The following DIS3L2 variants were observed in gnomAD, a reference collection of about 807,000 sequenced individuals.
DIS3L2 encodes DIS3-like exonuclease 2.
Under a neutral mutation model 97.5 loss-of-function variants are expected in DIS3L2, and 34 were observed. That is an observed-to-expected ratio of 0.35 (90% CI 0.27 to 0.46). The LOEUF is 0.46. Ranked by LOEUF, DIS3L2 falls within the 20% of genes least tolerant of loss-of-function variation. The pLI is 1.00. For missense variants in DIS3L2, 1,038 were observed against 1,146.0 expected (o/e 0.91, Z 1.36); for synonymous variants, 435 against 445.2 (o/e 0.98, Z 0.29).
Position 232,130,692 on chromosome 2 carries a change from G to A in DIS3L2, c.675G>A (p.Ser225=), listed in dbSNP as rs756569370. 2.3e-5 allele frequency: 37 copies of A among 1,613,826 alleles called. No homozygotes were observed. In the South Asian group the frequency reaches 2.4e-4, roughly 11 times the overall value. The change falls in exon 7 of 21, where the codon TCG becomes TCA. Residue 225 remains serine, a synonymous_variant. Transcript: ENST00000325385. The stretch of plus-strand genomic sequence containing the variant: ...TTTCACAAGACACAAGAGCTTTATC[G>A]GAGAAATCCCTGCAAAGATCAGCAA... ...TCISQDTRAL[S]EKSLQRSAKV...
chr2:232,030,220 T>C, intron 5 of DIS3L2, 140 bp downstream of exon 5: 1 of 676,464 alleles, frequency 1.5e-6, no homozygotes, highest in East Asian at 3.0e-5. Flanking sequence ...CTTGGAAGCA[T>C]GCTACCGAAT....
intron 8 of DIS3L2, among the ~76,000 whole-genome samples, chr2:232,143,423 G>T (rs1243045024): frequency 6.6e-6 from 1 of 152,014 alleles, no homozygotes; most frequent in East Asian, 1.9e-4. Flanking sequence ...AATTGAAGTG[G>T]TGATCATTAT....
intron 5 of DIS3L2, among the ~76,000 whole-genome samples, chr2:232,061,615 G>C (rs1416827287): frequency 6.6e-6 from 1 of 152,124 alleles, no homozygotes; most frequent in Non-Finnish European, 1.5e-5. Context: ...TTGCCTCCAG[G>C]ATAATTTTAT....
intron 5 of DIS3L2, among the ~76,000 whole-genome samples, chr2:232,050,419 A>G (rs1574837832): frequency 6.7e-6 from 1 of 149,776 alleles, no homozygotes; most frequent in East Asian, 2.0e-4. Flanking sequence ...TTATAGGTGC[A>G]CCACCATGCC....
chr2:232,329,785 TCCC>T, intron 14 of DIS3L2, 25 bp from the exon 15 acceptor site: 1 of 967,136 alleles, frequency 1.0e-6, no homozygotes, highest in Non-Finnish European at 1.5e-6. Flanking sequence ...ACCCCAGCGG[TCCC>T]TCCCATCCCA....
intron 9 of DIS3L2, among the ~76,000 whole-genome samples, chr2:232,205,238 A>ATATATATATATATATATATATATATATAT (rs1691998820): frequency 1.4e-5 from 2 of 144,184 alleles, no homozygotes; most frequent in African/African-American, 5.1e-5. Context: ...ATATATATAT[A>ATATATATATATATATATATATATATATAT]AAATGCAGTG....
At chr2:232,271,725 G>A (rs887295497) in intron 13 of DIS3L2, among the ~76,000 whole-genome samples, 1 of 152,148 alleles carries the variant, frequency 6.6e-6, no homozygotes, top group African/African-American at 2.4e-5. Context: ...GACAGCCTCC[G>A]TGGAAGAGAG....
At position 232,037,132 on chromosome 2, in the gene DIS3L2, C is replaced by T. The variant is rs564964136; in HGVS notation, c.366+7052C>T. ...ATGTTTAAGTCTGCTGAAGCTGCAC[C>T]CACATCCGCCCCTTCCCCCAGGTGC... On this transcript the variant is annotated intron_variant, in intron 5 of 20. Transcript: ENST00000325385. The surrounding 1 kb of genome is among the most constrained non-coding windows in gnomAD (Gnocchi z 4.6). Among the ~76,000 whole-genome samples the T allele has an allele frequency of 2.0e-5, 3 of 152,332 alleles. No homozygotes were observed. The highest frequency in any genetic ancestry group is 4.1e-4 in the South Asian group (2 of 4,828).
At chr2:232,310,302 A>G (rs1354328975) in intron 14 of DIS3L2, among the ~76,000 whole-genome samples, 3 of 152,202 alleles carry the variant, frequency 2.0e-5, no homozygotes. Context: ...GCGTGAGCTC[A>G]TGGGTGCAAG....
chr2:232,225,506 CAAAG>C (rs1473289186), intron 10 of DIS3L2, among the ~76,000 whole-genome samples: 2 of 151,716 alleles, frequency 1.3e-5, no homozygotes, highest in African/African-American at 2.4e-5. Flanking sequence ...ATGTAAAATA[CAAAG>C]AAAGGTGAAA....
At chr2:232,310,343 G>C (rs1695090570) in intron 14 of DIS3L2, among the ~76,000 whole-genome samples, 1 of 152,210 alleles carries the variant, frequency 6.6e-6, no homozygotes, top group Non-Finnish European at 1.5e-5. Flanking sequence ...GTGGGAGTCA[G>C]CCACTCACAG....
intron 12 of DIS3L2, among the ~76,000 whole-genome samples, chr2:232,262,722 T>C (rs1438872433): frequency 6.6e-6 from 1 of 152,070 alleles, no homozygotes; most frequent in Non-Finnish European, 1.5e-5. Flanking sequence ...TCGGAATGGG[T>C]TTCCTCTTTC....
chr2:232,336,867 CCTGGGAGGCTGGCCCCCCTTTTTT>C lies in DIS3L2; in HGVS notation c.*243_*266del. The C allele has an allele frequency of 7.4e-7, 1 of 1,348,748 alleles. No homozygotes were observed. The highest frequency in any genetic ancestry group is 1.6e-5 in the South Asian group (1 of 61,252). The allele number at this position is 1,348,748 out of a possible 1,614,324, so 83.5% of individuals were successfully genotyped here. On this transcript the variant is annotated 3_prime_UTR_variant, in exon 21 of 21. Transcript: ENST00000325385. Reference sequence around the variant, plus strand: ...CCCCAGCAGAGCAGGCCCCAGTCCTCCTGGGAGGCTGGCCCCCCTTTTTTCTGGGCCCTACTGCCCTCCTCTGCC... The same window carrying C: ...CCCCAGCAGAGCAGGCCCCAGTCCTCCTGGGCCCTACTGCCCTCCTCTGCC...
At chr2:231,994,734 A>G (rs1693682482) in intron 1 of DIS3L2, among the ~76,000 whole-genome samples, 1 of 148,168 alleles carries the variant, frequency 6.7e-6, no homozygotes. Context: ...GTAAAATTCT[A>G]TTTCTTTCAA....
Position 232,281,807 on chromosome 2 carries a change from C to T in DIS3L2, c.1660-18233C>T, listed in dbSNP as rs1387949228. ...GAGCTGCCCACTTAAAGACGCTTGCCAGGTGGCTGGACCGGAAGTCTGCTG... is the reference window on the plus strand; with the variant it reads ...GAGCTGCCCACTTAAAGACGCTTGCTAGGTGGCTGGACCGGAAGTCTGCTG... On this transcript the variant is annotated intron_variant, in intron 13 of 20. Coordinates refer to ENST00000325385, the MANE Select transcript of DIS3L2 (RefSeq NM_152383.5). This position sits in a 1 kb window ranked among gnomAD's most constrained non-coding sequence, Gnocchi z 4.1. Among the ~76,000 whole-genome samples the T allele has an allele frequency of 6.6e-6, 1 of 152,160 alleles. No homozygotes were observed. The highest frequency in any genetic ancestry group is 1.5e-5 in the Non-Finnish European group (1 of 68,034).
At position 232,024,307 on chromosome 2, in the gene DIS3L2, C is replaced by T. The variant is rs1264189409; in HGVS notation, c.241C>T (p.His81Tyr). ...GVLRINPKKF[H>Y]EAFIPSPDGD... ...ATTGAGAATTAATCCAAAGAAGTTT[C>T]ATGAAGCCTTCATTCCTTCCCCGGT... Residue 81 changes from histidine (H) to tyrosine (Y), a missense_variant, in exon 4 of 21, where the codon CAT becomes TAT. By Grantham distance (83) the His-to-Tyr change is moderately conservative (BLOSUM62 2). Transcript: ENST00000325385. 6.2e-7 allele frequency: 1 copy of T among 1,603,518 alleles called. No homozygotes were observed. The highest frequency in any genetic ancestry group is 1.1e-5 in the South Asian group (1 of 87,738).
intron 6 of DIS3L2, among the ~76,000 whole-genome samples, chr2:232,102,770 A>G (rs1301320227): frequency 3.3e-5 from 5 of 152,222 alleles, no homozygotes; most frequent in South Asian, 2.1e-4. Flanking sequence ...TGTGGATTTC[A>G]AGAGCTGGCA....
chr2:232,086,003 A>G (rs116377447), intron 5 of DIS3L2, among the ~76,000 whole-genome samples: 1 of 151,810 alleles, frequency 6.6e-6, no homozygotes, highest in African/African-American at 2.4e-5. Flanking sequence ...TTTAGAGGCA[A>G]GGTCTCAATA....
intron 4 of DIS3L2, among the ~76,000 whole-genome samples, chr2:232,026,143 C>T (rs994309683): frequency 2.6e-5 from 4 of 152,060 alleles, no homozygotes; most frequent in Non-Finnish European, 2.9e-5. Flanking sequence ...TGGGTTGGCT[C>T]CTAGCAAGTG....
Sources: gnomAD v4.1 joint callset for allele counts (sites outside exome capture counted in the v4.1 genomes callset) on GRCh38, gnomAD v4.1.1 for gene constraint, Gnocchi (gnomAD v3.1) non-coding constraint, MANE v1.5 for transcripts, NCBI Gene and HGNC (gene_info 2026-07-23, HGNC 2026-07-21) for gene names.